SLC8A3: variants seen among roughly 807,000 people sequenced by gnomAD.
The protein encoded by SLC8A3 is solute carrier family 8 member A3, also known as sodium/calcium exchanger 3.
SLC8A3 carries 37 observed loss-of-function variants against 65.4 expected under a neutral mutation model. The observed-to-expected ratio is 0.57, with a 90% CI of 0.44 to 0.74. The LOEUF (loss-of-function observed/expected upper bound fraction) is 0.74, where lower values mean the gene tolerates loss of function less well. Among genes scored for constraint, SLC8A3 ranks in the 30% least tolerant of loss-of-function variants. The probability of loss-of-function intolerance (pLI) is 0.00; values close to 1 mark genes in which losing one functional copy is unlikely to be tolerated. For missense variants in SLC8A3, 1,112 were observed against 1,172.1 expected (o/e 0.95, Z 0.75); for synonymous variants, 461 against 444.5 (o/e 1.04, Z -0.47).
At chr14:70,123,658 C>T (rs930404945) in intron 2 of SLC8A3, among the ~76,000 whole-genome samples, 2 of 152,160 alleles carry the variant, frequency 1.3e-5, no homozygotes, top group African/African-American at 4.8e-5. Context: ...CCACGTTGGC[C>T]AGGCTGGTCT....
intron 2 of SLC8A3, among the ~76,000 whole-genome samples, chr14:70,158,534 T>A (rs1002598406): frequency 2.0e-5 from 3 of 152,170 alleles, no homozygotes; most frequent in African/African-American, 4.8e-5. Context: ...AAGTACCAAC[T>A]AAAGAACCTA....
intron 2 of SLC8A3, among the ~76,000 whole-genome samples, chr14:70,100,502 G>T (rs1254558579): frequency 6.6e-6 from 1 of 152,180 alleles, no homozygotes; most frequent in Non-Finnish European, 1.5e-5. Flanking sequence ...CAATAAGAAG[G>T]TTCAAGCAAC....
At chr14:70,186,630 AGAAAAAGGAGGCTACAAAGTGGACTTG>A (rs1337365032) in intron 1 of SLC8A3, among the ~76,000 whole-genome samples, 2 of 152,224 alleles carry the variant, frequency 1.3e-5, no homozygotes, top group African/African-American at 2.4e-5. Context: ...TTTCATTTAA[AGAAAAAGGAGGCTACAAAGTGGACTTG>A]TGTGTGGGGA....
chr14:70,149,825 A>G (rs1038575686), intron 2 of SLC8A3, among the ~76,000 whole-genome samples: 3 of 152,042 alleles, frequency 2.0e-5, no homozygotes, highest in Non-Finnish European at 4.4e-5. Context: ...TTCATCTCCA[A>G]AACAAGTCCA....
intron 2 of SLC8A3, among the ~76,000 whole-genome samples, chr14:70,105,682 C>T (rs547816826): frequency 1.3e-5 from 2 of 152,272 alleles, no homozygotes; most frequent in South Asian, 2.1e-4. Context: ...ATAATTTCAA[C>T]GTTGCATAAA....
In SLC8A3 at chr14:70,048,897, G is replaced by A. The variant is rs201244716; in HGVS notation, c.2259C>T (p.Ala753=). 73 of 1,614,152 alleles carry A rather than the reference G, an allele frequency of 4.5e-5. No homozygotes were observed. The highest frequency in any genetic ancestry group is 3.9e-4 in the African/African-American group (29 of 75,034). ...TEYCHGWACF[A]VSILIIGMLT... The stretch of plus-strand genomic sequence containing the variant: ...GCATGCCAATGATGAGGATGGAGAC[G>A]GCGAAGCAGGCCCAGCCGTGGCAGT... The change falls in exon 6 of 7, where the codon GCC becomes GCT. Residue 753 remains alanine, a synonymous_variant. Transcript: ENST00000356921.
chr14:70,068,331 A>T (rs957023269), intron 2 of SLC8A3, among the ~76,000 whole-genome samples: 7 of 152,196 alleles, frequency 4.6e-5, no homozygotes, highest in African/African-American at 1.7e-4. Context: ...ATATGCTTAC[A>T]TTGTGCTCAC....
At chr14:70,187,616 TGTG>T (rs1883399996) in intron 1 of SLC8A3, among the ~76,000 whole-genome samples, 1 of 115,864 alleles carries the variant, frequency 8.6e-6, no homozygotes, top group Admixed American at 8.3e-5. Context: ...TGTGTGTGTG[TGTG>T]TGTGTGTGTG....
intron 2 of SLC8A3, among the ~76,000 whole-genome samples, chr14:70,151,262 A>G (rs200577033): frequency 6.1e-4 from 27 of 44,374 alleles, no homozygotes; most frequent in African/African-American, 4.0e-3. Flanking sequence ...TCAAAAAAAG[A>G]AAAAAAAAAA....
chr14:70,077,546 T>G (rs1213886337), intron 2 of SLC8A3, among the ~76,000 whole-genome samples: 6 of 152,104 alleles, frequency 3.9e-5, no homozygotes, highest in Non-Finnish European at 5.9e-5. Context: ...GGAGAACCAA[T>G]GGTATCAGTA....
chr14:70,136,129 GGCTAT>G (rs1418313244), intron 2 of SLC8A3, among the ~76,000 whole-genome samples: 2 of 152,038 alleles, frequency 1.3e-5, no homozygotes, highest in East Asian at 3.8e-4. Flanking sequence ...AGAAGAAGAG[GGCTAT>G]GTGAAGTCAG....
chr14:70,159,671 G>A (rs942318342), intron 2 of SLC8A3, among the ~76,000 whole-genome samples: 3 of 152,190 alleles, frequency 2.0e-5, no homozygotes, highest in Admixed American at 6.5e-5. Flanking sequence ...AGTGGATGAG[G>A]AAACTGGCCT....
intron 1 of SLC8A3, among the ~76,000 whole-genome samples, chr14:70,176,479 T>A (rs764366864): frequency 6.6e-6 from 1 of 152,234 alleles, no homozygotes; most frequent in Non-Finnish European, 1.5e-5. Flanking sequence ...TTATTGATTT[T>A]AAGATACAGA....
At chr14:70,174,584 G>C (rs746399791) in intron 1 of SLC8A3, among the ~76,000 whole-genome samples, 1 of 151,410 alleles carries the variant, frequency 6.6e-6, no homozygotes, top group Non-Finnish European at 1.5e-5. Context: ...GTAGGAAGAG[G>C]GGACCAGGGA....
rs1890819519 is a variant in SLC8A3, at chr14:70,079,290, C to G, written c.1785-18351G>C. Among the ~76,000 whole-genome samples, 3 of 148,074 alleles carry G rather than the reference C, an allele frequency of 2.0e-5. No individual in the cohort carries two copies. The Admixed American group carries it at 2.0e-4, about 10-fold the overall frequency. On this transcript the variant is annotated intron_variant, in intron 2 of 6. Transcript: ENST00000356921. ...CTTGGGGTCAGGAGTTCGAGACCAG[C>G]CTGGCCAACATGGTGAAACCCTGTC...
chr14:70,079,059 C>G (rs1890796903), intron 2 of SLC8A3, among the ~76,000 whole-genome samples: 1 of 152,138 alleles, frequency 6.6e-6, no homozygotes, highest in Non-Finnish European at 1.5e-5. Flanking sequence ...AAGAATCAAT[C>G]AATTGTATAA....
chr14:70,166,630 G>T lies in SLC8A3; in HGVS notation c.1784+9C>A. The T allele has an allele frequency of 1.3e-6, 2 of 1,517,318 alleles. No homozygotes were observed. The highest frequency in any genetic ancestry group is 1.8e-6 in the Non-Finnish European group (2 of 1,108,462). The allele number at this position is 1,517,318 out of a possible 1,614,324, so 94.0% of individuals were successfully genotyped here. On this transcript the variant is annotated intron_variant, in intron 2 of 6. Coordinates refer to ENST00000356921, the MANE Select transcript of SLC8A3 (RefSeq NM_182932.3). ...TCAGGGAGGGGCAGAATACAGGAAG[G>T]TTACTTACACAGTTTCATCATTCTT... is the stretch of plus-strand genomic sequence containing the variant.
intron 2 of SLC8A3, among the ~76,000 whole-genome samples, chr14:70,162,992 G>A (rs368224094): frequency 7.9e-5 from 12 of 152,218 alleles, no homozygotes; most frequent in African/African-American, 2.2e-4. Flanking sequence ...CTTCTCTCAC[G>A]TTCCTTGATT....
chr14:70,059,066 T>C (rs7142591), intron 3 of SLC8A3: 9,393 of 152,290 alleles, frequency 0.062, 617 homozygotes, highest in East Asian at 0.39. Flanking sequence ...AATTTCTTTC[T>C]TCCAGCACTT....
Sources: gnomAD v4.1 joint callset for allele counts (sites outside exome capture counted in the v4.1 genomes callset) on GRCh38, gnomAD v4.1.1 for gene constraint, MANE v1.5 for transcripts, NCBI Gene and HGNC (gene_info 2026-07-23, HGNC 2026-07-21) for gene names.